Variants in CEP290 observed in about 807,000 individuals in gnomAD.
The protein encoded by CEP290 is centrosomal protein 290, also known as centrosomal protein of 290 kDa.
A neutral mutation model predicts 344.9 loss-of-function variants in CEP290; 317 were observed. The observed-to-expected ratio is 0.92, with a 90% CI of 0.84 to 1.01. The LOEUF is 1.01. Ranked by LOEUF, CEP290 falls within the 50% of genes least tolerant of loss-of-function variation. The pLI is 0.00. For synonymous variants in CEP290, 932 were observed against 895.8 expected, an observed-to-expected ratio of 1.04 and a Z score of -0.72; for missense variants, 2,754 against 2,761.4, an observed-to-expected ratio of 1.00 and a Z score of 0.06.
Position 88,116,921 on chromosome 12 carries a change from C to T in CEP290, c.1824+112G>A, listed in dbSNP as rs531150558. On this transcript the variant is annotated intron_variant, in intron 18 of 53. Coordinates refer to ENST00000552810, the MANE Select transcript of CEP290 (RefSeq NM_025114.4). The stretch of plus-strand genomic sequence containing the variant: ...CCCGGGAGGCGGAGCTTGCAGTGAG[C>T]CGAGATCGCGCCACTGCACTCCAGC... 11 of 535,232 alleles carry T rather than the reference C, an allele frequency of 2.1e-5. No individual in the cohort carries two copies. In the African/African-American group the frequency reaches 2.3e-4, roughly 11 times the overall value. The allele number at this position is 535,232 out of a possible 1,614,324, so 33.2% of individuals were successfully genotyped here. A position where few individuals can be genotyped will look rare whatever the true frequency, so the allele number is the denominator to read the frequency against.
rs886038689 is a variant in CEP290, at chr12:88,120,250, G to T, written c.1386C>A (p.Val462=). Residue 462 remains valine, a synonymous_variant, in exon 15 of 54, where the codon GTC becomes GTA. Transcript: ENST00000552810. ...GGTTTTTACAATTCTTTATTTCAAC[G>T]ACAGCATCTTCTAAACCATATACTC... is the stretch of plus-strand genomic sequence containing the variant. ...ESGVYGLEDA[V]VEIKNCKNQI... 3.4e-6 allele frequency: 5 copies of T among 1,458,634 alleles called. No individual in the cohort carries two copies. The highest frequency in any genetic ancestry group is 2.5e-5 in the East Asian group (1 of 39,856). 90.4% of individuals were successfully genotyped at this position (1,458,634 alleles called of 1,614,324 possible). A position where few individuals can be genotyped will look rare whatever the true frequency, so the allele number is the denominator to read the frequency against.
At chr12:88,104,498 G>A (rs536666555) in intron 25 of CEP290, among the ~76,000 whole-genome samples, 2 of 151,700 alleles carry the variant, frequency 1.3e-5, no homozygotes, top group Admixed American at 6.6e-5. Flanking sequence ...TATGAAAGGC[G>A]TAAGACCAGA....
intron 49 of CEP290, among the ~76,000 whole-genome samples, chr12:88,057,418 A>G (rs2034096557): frequency 1.3e-5 from 2 of 152,210 alleles, no homozygotes; most frequent in African/African-American, 4.8e-5. Context: ...TTCTGAGTCC[A>G]CATGTGATTA....
chr12:88,079,091 C>T lies in CEP290; in HGVS notation c.5364+1G>A. The T allele has an allele frequency of 6.4e-7, 1 of 1,572,076 alleles. No individual in the cohort carries two copies. Among genetic ancestry groups the T allele is most frequent in the African/African-American group, 1.4e-5 (1 of 72,542 alleles). On this transcript the variant is annotated splice_donor_variant, in intron 39 of 53. Transcript: ENST00000552810. LOFTEE classifies it high-confidence loss of function. ...TTACATTAACACGTGTTGATGTTCA[C>T]CTTTAGCTCTCTAGTATGTCGATCA...
intron 41 of CEP290, among the ~76,000 whole-genome samples, chr12:88,076,905 A>G (rs978881002): frequency 6.6e-6 from 1 of 152,072 alleles, no homozygotes; most frequent in Non-Finnish European, 1.5e-5. Flanking sequence ...GAGAGAAATG[A>G]TACACAGTTG....
chr12:88,049,466 A>G, intron 53 of CEP290, 52 bp from the exon 54 acceptor site: 1 of 934,800 alleles, frequency 1.1e-6, no homozygotes, highest in Non-Finnish European at 1.6e-6. Flanking sequence ...TACATATTTT[A>G]CGTTTGAACA....
At chr12:88,106,357 T>C (rs2038278053) in intron 25 of CEP290, among the ~76,000 whole-genome samples, 1 of 152,138 alleles carries the variant, frequency 6.6e-6, no homozygotes, top group Non-Finnish European at 1.5e-5. Context: ...TGCTTATTCT[T>C]TGATCAAAAA....
At chr12:88,122,749 A>T (rs1226746358) in intron 13 of CEP290, among the ~76,000 whole-genome samples, 4 of 152,180 alleles carry the variant, frequency 2.6e-5, no homozygotes, top group Non-Finnish European at 5.9e-5. Context: ...AGTTTAAACT[A>T]CTTTCAAAGT....
intron 46 of CEP290, 22 bp from the exon 47 acceptor site, chr12:88,061,016 C>G: frequency 6.7e-7 from 1 of 1,501,226 alleles, no homozygotes; most frequent in Non-Finnish European, 8.9e-7. Flanking sequence ...TATGTTAAAT[C>G]TTTAATCAAA....
Position 88,118,725 on chromosome 12 carries a change from A to C in CEP290, c.1541T>G (p.Met514Arg). Residue 514 changes from methionine (M) to arginine (R), a missense_variant, in exon 16 of 54, where the codon ATG becomes AGG. Transcript: ENST00000552810. Reference sequence around the variant, plus strand: ...ATTTCTAAATTCAGTTAAATCAATCATTGTCTTTGGTTCAAGGCCTACAAT... The same window carrying C: ...ATTTCTAAATTCAGTTAAATCAATCCTTGTCTTTGGTTCAAGGCCTACAAT... ...RERVGLEPKT[M>R]IDLTEFRNSK... is the part of the protein sequence containing the mutation. 6.2e-7 allele frequency: 1 copy of C among 1,612,084 alleles called. No individual in the cohort carries two copies. Among genetic ancestry groups the C allele is most frequent in the Non-Finnish European group, 8.5e-7 (1 of 1,179,154 alleles).
rs190121385 is a variant in CEP290, at chr12:88,107,534, A to G, written c.2484-436T>C. Among the ~76,000 whole-genome samples, 637 of 152,188 alleles carry G rather than the reference A, an allele frequency of 4.2e-3. 4 individuals are homozygous for G. Among genetic ancestry groups the G allele is most frequent in the South Asian group, 0.014 (66 of 4,820 alleles). ...ACAAACACATCTTAAGTCTAATTAA[A>G]ATAGTGACCAAAGTTAATAACAGTA... On this transcript the variant is annotated intron_variant, in intron 23 of 53. Coordinates refer to ENST00000552810, the MANE Select transcript of CEP290 (RefSeq NM_025114.4).
At chr12:88,062,562 T>C (rs1565796110) in intron 46 of CEP290, 130 bp downstream of exon 46, 2 of 614,316 alleles carry the variant, frequency 3.3e-6, no homozygotes, top group African/African-American at 1.8e-5. Flanking sequence ...ATATTACAGA[T>C]GCAGAATAAA....
At chr12:88,066,784 G>A (rs1027799594) in intron 44 of CEP290, among the ~76,000 whole-genome samples, 1 of 152,008 alleles carries the variant, frequency 6.6e-6, no homozygotes, top group African/African-American at 2.4e-5. Context: ...CTACAAATGT[G>A]TTCCACCACA....
At chr12:88,075,810 C>A (rs776301652) in intron 41 of CEP290, among the ~76,000 whole-genome samples, 4 of 152,160 alleles carry the variant, frequency 2.6e-5, no homozygotes, top group African/African-American at 7.2e-5. Context: ...TGGGCATAGA[C>A]CCCTGTTTTC....
At chr12:88,103,283 C>A (rs1292950618) in intron 25 of CEP290, 2 of 203,644 alleles carry the variant, frequency 9.8e-6, no homozygotes, top group Non-Finnish European at 1.9e-5. Flanking sequence ...GAAAACATAA[C>A]AAACAGCAGG....
rs200158553 is a variant in CEP290 at position 88,077,762 on chromosome 12, C to T, written c.5521G>A (p.Glu1841Lys). The change falls in exon 40 of 54, where the codon GAG (glutamate) becomes AAG (lysine). Residue 1841 changes from glutamate to lysine, a missense_variant. Transcript: ENST00000552810. ...KAYNKILREK[E>K]EIDQENDELK... ...TCATCATTCTCTTGATCAATTTCCT[C>T]TTTCTCTCTAAGTATTTTATTATAG... The T allele has an allele frequency of 8.9e-5, 140 of 1,581,394 alleles. No individual in the cohort carries two copies. In the Admixed American group the frequency reaches 1.2e-3, roughly 13 times the overall value.
At chr12:88,088,386 G>A (rs561186247) in intron 31 of CEP290, among the ~76,000 whole-genome samples, 1 of 152,226 alleles carries the variant, frequency 6.6e-6, no homozygotes, top group South Asian at 2.1e-4. Context: ...ACTACTTGTA[G>A]ATCAAAGATA....
At chr12:88,085,230 T>C (rs1291224621) in intron 34 of CEP290, among the ~76,000 whole-genome samples, 3 of 152,104 alleles carry the variant, frequency 2.0e-5, no homozygotes, top group Non-Finnish European at 4.4e-5. Flanking sequence ...AGGAGACTAA[T>C]CTATAAGTCA....
rs910419402 is a variant in CEP290, at chr12:88,081,058, A to C, written c.5013-663T>G. ...TCCTCTATATGATAGTTTCCTAACC[A>C]TACTACTAGTAACATTTTTGACTGG... On this transcript the variant is annotated intron_variant, in intron 37 of 53. Transcript: ENST00000552810. Among the ~76,000 whole-genome samples, 24 of 152,182 alleles carry C rather than the reference A, an allele frequency of 1.6e-4. 2 individuals are homozygous for C. The highest frequency in any genetic ancestry group is 1.5e-3 in the Admixed American group (23 of 15,282).
Sources: allele counts gnomAD v4.1 joint callset (sites outside exome capture counted in the v4.1 genomes callset), GRCh38; gene constraint gnomAD v4.1.1; transcripts MANE v1.5; gene names NCBI Gene and HGNC (gene_info 2026-07-23, HGNC 2026-07-21).